Variants in PHTF2 observed in about 807,000 individuals in gnomAD.
PHTF2 encodes putative homeodomain transcription factor 2.
A neutral mutation model predicts 101.2 loss-of-function variants in PHTF2; 60 were observed. The ratio of observed to expected loss-of-function variants is 0.59; its 90% CI spans 0.48 to 0.73. The LOEUF (loss-of-function observed/expected upper bound fraction) is 0.73. PHTF2 is among the 30% of genes least tolerant of loss of function. PHTF2 has a pLI of 0.00. For missense variants in PHTF2, 747 were observed against 908.7 expected, an observed-to-expected ratio of 0.82 and a Z score of 2.29; for synonymous variants, 311 against 307.3, an observed-to-expected ratio of 1.01 and a Z score of -0.13.
exon 2 of PHTF2, chr7:77,840,245 C>T: frequency 6.2e-7 from 1 of 1,600,710 alleles, no homozygotes; most frequent in Non-Finnish European, 8.6e-7. Context: ...TGTGTGATTT[C>T]AGTGGAATAA....
chr7:77,829,094 A>T (rs1413816096), intron 1 of PHTF2, among the ~76,000 whole-genome samples: 1 of 152,134 alleles, frequency 6.6e-6, no homozygotes, highest in East Asian at 1.9e-4. Flanking sequence ...AGGTGGAGGA[A>T]CACTTGAGCC....
chr7:77,843,166 C>G (rs1584464122), intron 2 of PHTF2, among the ~76,000 whole-genome samples: 1 of 152,340 alleles, frequency 6.6e-6, no homozygotes, highest in East Asian at 1.9e-4. Flanking sequence ...TTTCCCCCCT[C>G]TATCATCCCA....
chr7:77,868,693 G>A (rs1798275594), intron 3 of PHTF2, among the ~76,000 whole-genome samples: 1 of 152,122 alleles, frequency 6.6e-6, no homozygotes, highest in African/African-American at 2.4e-5. Context: ...AGACAAATCA[G>A]ATTTATCCTA....
At chr7:77,818,522 A>G (rs996565162) in intron 1 of PHTF2, among the ~76,000 whole-genome samples, 5 of 152,312 alleles carry the variant, frequency 3.3e-5, no homozygotes, top group African/African-American at 4.8e-5. Context: ...CCTTTCCTCA[A>G]TGAGTGTTCC....
Position 77,893,998 on chromosome 7 carries a change from G to A in PHTF2, c.216+5G>A. The A allele has an allele frequency of 6.2e-7, 1 of 1,601,622 alleles. No homozygotes were observed. The highest frequency in any genetic ancestry group is 8.6e-7 in the Non-Finnish European group (1 of 1,168,770). On this transcript the variant is annotated splice_donor_5th_base_variant and intron_variant, in intron 5 of 19. Coordinates refer to ENST00000416283, the Ensembl canonical transcript of PHTF2. ...TCTGTACAGTTTATTAAACTGGTAA[G>A]TGTTTCAGGATTTTTCCCGCCTGAG...
At chr7:77,923,942 T>C (rs1299401228) in intron 11 of PHTF2, 4 of 954,518 alleles carry the variant, frequency 4.2e-6, no homozygotes, top group Middle Eastern at 5.5e-4. Context: ...AATCTTGATT[T>C]CCAGCTAAGT....
intron 3 of PHTF2, among the ~76,000 whole-genome samples, chr7:77,859,061 C>G (rs896456349): frequency 6.6e-5 from 10 of 152,124 alleles, no homozygotes; most frequent in African/African-American, 2.4e-4. Context: ...TTGTTGTTCC[C>G]TGGCCTGTAG....
intron 8 of PHTF2, chr7:77,910,035 A>G: frequency 2.4e-6 from 1 of 418,268 alleles, no homozygotes; most frequent in Non-Finnish European, 4.2e-6. Flanking sequence ...CTGCCACTAT[A>G]AGCAAGGACC....
At chr7:77,894,076 C>T in intron 5 of PHTF2, 83 bp downstream of exon 4, 2 of 1,028,788 alleles carry the variant, frequency 1.9e-6, no homozygotes, top group Non-Finnish European at 1.5e-6. Flanking sequence ...TTTGGTGCTA[C>T]TAACAGATTG....
intron 1 of PHTF2, among the ~76,000 whole-genome samples, chr7:77,833,874 A>T (rs1795247480): frequency 6.6e-6 from 1 of 152,254 alleles, no homozygotes; most frequent in South Asian, 2.1e-4. Context: ...AGTTTCTACT[A>T]TGTTAAATTC....
Position 77,922,872 on chromosome 7 carries a change from A to G in PHTF2, c.1119+94A>G, listed in dbSNP as rs149607535. ...CAACAATTAAAAATTGTTGAAATAA[A>G]TATTTCACATTATTATCAATATTTA... is the stretch of plus-strand genomic sequence containing the variant. On this transcript the variant is annotated intron_variant, in intron 11 of 19. Coordinates refer to ENST00000416283, the Ensembl canonical transcript of PHTF2. 48 of 1,285,260 alleles carry G rather than the reference A, an allele frequency of 3.7e-5. No homozygotes were observed. The African/African-American group carries it at 6.6e-4, about 18-fold the overall frequency. The allele number at this position is 1,285,260 out of a possible 1,614,324, so 79.6% of individuals were successfully genotyped here.
chr7:77,913,844 A>G (rs2150883976), intron 9 of PHTF2, among the ~76,000 whole-genome samples: 1 of 152,310 alleles, frequency 6.6e-6, no homozygotes, highest in Non-Finnish European at 1.5e-5. Context: ...CAGGCATATT[A>G]GTTAACATGT....
At chr7:77,855,440 G>T (rs1264919424) in intron 3 of PHTF2, among the ~76,000 whole-genome samples, 1 of 152,196 alleles carries the variant, frequency 6.6e-6, no homozygotes, top group East Asian at 1.9e-4. Context: ...ACTCCCTGGA[G>T]TTGGAGAAGG....
exon 17 of PHTF2, chr7:77,949,762 C>A: frequency 6.5e-7 from 1 of 1,546,196 alleles, no homozygotes; most frequent in Non-Finnish European, 8.9e-7. Context: ...ACTTTTTCTC[C>A]TAAGATTTGT....
intron 2 of PHTF2, among the ~76,000 whole-genome samples, chr7:77,851,288 T>C (rs1479250584): frequency 2.6e-5 from 4 of 152,172 alleles, no homozygotes; most frequent in African/African-American, 7.2e-5. Flanking sequence ...TCATTACTTA[T>C]TATTGGTCTG....
intron 1 of PHTF2, among the ~76,000 whole-genome samples, chr7:77,802,564 C>T (rs1249397760): frequency 6.6e-6 from 1 of 152,116 alleles, no homozygotes; most frequent in South Asian, 2.1e-4. Context: ...TATTTTGAGA[C>T]AGGGTCTCAT....
chr7:77,820,901 CTCTT>C (rs1156470701), intron 1 of PHTF2, among the ~76,000 whole-genome samples: 4 of 151,274 alleles, frequency 2.6e-5, no homozygotes, highest in Non-Finnish European at 5.9e-5. Context: ...TGGTTCTTTT[CTCTT>C]TCTTCTTTAT....
At chr7:77,807,676 T>G (rs1793103264) in intron 1 of PHTF2, among the ~76,000 whole-genome samples, 1 of 152,206 alleles carries the variant, frequency 6.6e-6, no homozygotes, top group African/African-American at 2.4e-5. Flanking sequence ...TTTTGTGTCT[T>G]TTGATGAACA....
intron 3 of PHTF2, among the ~76,000 whole-genome samples, chr7:77,882,196 G>A (rs892703639): frequency 3.3e-5 from 5 of 152,036 alleles, no homozygotes; most frequent in African/African-American, 1.2e-4. Flanking sequence ...ATAATGAATG[G>A]AATCTTTGAT....
Sources: gnomAD v4.1 joint callset for allele counts (sites outside exome capture counted in the v4.1 genomes callset) on GRCh38, gnomAD v4.1.1 for gene constraint, MANE v1.5 for transcripts, NCBI Gene and HGNC (gene_info 2026-07-23, HGNC 2026-07-21) for gene names.